Variants in STXBP5L observed in about 807,000 individuals in gnomAD.
STXBP5L encodes syntaxin-binding protein 5-like.
A neutral mutation model predicts 144.5 loss-of-function variants in STXBP5L; 65 were observed. That is an observed-to-expected ratio of 0.45 (90% CI 0.37 to 0.55). The LOEUF is 0.55. Ranked by LOEUF, STXBP5L falls within the 20% of genes least tolerant of loss-of-function variation. STXBP5L has a pLI of 0.00. For synonymous variants in STXBP5L, 505 were observed against 469.6 expected (o/e 1.08, Z -0.97); for missense variants, 1,298 against 1,405.5 (o/e 0.92, Z 1.22).
At chr3:121,061,154 A>G (rs939130562) in intron 5 of STXBP5L, among the ~76,000 whole-genome samples, 3 of 152,172 alleles carry the variant, frequency 2.0e-5, no homozygotes, top group African/African-American at 7.2e-5. Context: ...TGTGTCCCAG[A>G]GATTCTGGTA....
chr3:121,398,222 C>T (rs1217429515), intron 22 of STXBP5L, among the ~76,000 whole-genome samples: 1 of 152,184 alleles, frequency 6.6e-6, no homozygotes, highest in Non-Finnish European at 1.5e-5. Flanking sequence ...GTATTTGTAC[C>T]CGTTTTAAAC....
chr3:121,041,664 T>C (rs1198519853), intron 3 of STXBP5L, 36 bp from the exon 4 acceptor site: 3 of 1,483,622 alleles, frequency 2.0e-6, no homozygotes, highest in Non-Finnish European at 2.8e-6. Context: ...TTGGTGCTAA[T>C]TAAAATGTTA....
chr3:121,117,577 TAAG>T (rs978370775), intron 6 of STXBP5L, among the ~76,000 whole-genome samples: 2 of 151,824 alleles, frequency 1.3e-5, no homozygotes, highest in East Asian at 1.9e-4. Flanking sequence ...TGCATTTAAT[TAAG>T]AAGACTCATT....
intron 3 of STXBP5L, among the ~76,000 whole-genome samples, chr3:121,039,832 C>G (rs540044093): frequency 6.6e-6 from 1 of 151,914 alleles, no homozygotes; most frequent in Non-Finnish European, 1.5e-5. Context: ...TCTTTCTCTA[C>G]CCCTCAGTGA....
At chr3:121,276,332 C>T (rs1246793707) in intron 18 of STXBP5L, among the ~76,000 whole-genome samples, 1 of 151,916 alleles carries the variant, frequency 6.6e-6, no homozygotes, top group African/African-American at 2.4e-5. Flanking sequence ...CATAAATTTA[C>T]TTCCATATGT....
At chr3:121,373,511 A>G (rs1400445366) in intron 20 of STXBP5L, among the ~76,000 whole-genome samples, 1 of 152,192 alleles carries the variant, frequency 6.6e-6, no homozygotes, top group Non-Finnish European at 1.5e-5. Context: ...TGACTCCTGC[A>G]TCTCCAACAT....
chr3:121,279,923 C>T lies in STXBP5L; in HGVS notation c.2077C>T (p.Arg693Trp), dbSNP rs756903586. Residue 693 changes from arginine to tryptophan, a missense_variant, in exon 19 of 27, where the codon CGG becomes TGG. Coordinates refer to ENST00000471454, the MANE Select transcript of STXBP5L (RefSeq NM_001308330.2). ...RSSDLYQRQPRSPRKNKQFIA... is the reference protein window; with the variant it reads ...RSSDLYQRQPWSPRKNKQFIA... ...AAGTGACTTATACCAGCGACAACCA[C>T]GGTCTCCTCGAAAAAACAAACAGTT... 21 of 1,611,968 alleles carry T rather than the reference C, an allele frequency of 1.3e-5. No individual in the cohort carries two copies. The highest frequency in any genetic ancestry group is 4.5e-5 in the East Asian group (2 of 44,834).
At chr3:121,333,997 G>T (rs1041115222) in intron 20 of STXBP5L, among the ~76,000 whole-genome samples, 3 of 152,064 alleles carry the variant, frequency 2.0e-5, no homozygotes, top group African/African-American at 4.8e-5. Context: ...AATCATGGCA[G>T]CAGTATCCCC....
At chr3:121,285,753 A>G (rs989798269) in intron 19 of STXBP5L, among the ~76,000 whole-genome samples, 3 of 152,138 alleles carry the variant, frequency 2.0e-5, no homozygotes, top group Admixed American at 2.0e-4. Flanking sequence ...AATCTTAAAC[A>G]AGGCATTTAA....
chr3:120,962,624 C>T (rs886832271), intron 3 of STXBP5L, among the ~76,000 whole-genome samples: 1 of 152,098 alleles, frequency 6.6e-6, no homozygotes, highest in Admixed American at 6.5e-5. Flanking sequence ...CTGTTCTGTT[C>T]CATTGATCTA....
At chr3:121,124,505 G>T (rs1405945396) in intron 7 of STXBP5L, among the ~76,000 whole-genome samples, 1 of 151,816 alleles carries the variant, frequency 6.6e-6, no homozygotes, top group Non-Finnish European at 1.5e-5. Flanking sequence ...TATATCTTGT[G>T]CTAGCTCAAT....
intron 22 of STXBP5L, among the ~76,000 whole-genome samples, chr3:121,391,327 T>G (rs1253914072): frequency 2.0e-5 from 3 of 152,216 alleles, no homozygotes; most frequent in Admixed American, 2.0e-4. Context: ...GCAATGGGTT[T>G]GAGCATCCTC....
intron 6 of STXBP5L, among the ~76,000 whole-genome samples, chr3:121,115,645 T>C (rs1391811652): frequency 6.6e-6 from 1 of 152,124 alleles, no homozygotes; most frequent in Non-Finnish European, 1.5e-5. Context: ...CCATTTTGCA[T>C]TGCTATAAAG....
At chr3:121,262,471 A>G (rs1290005719) in intron 18 of STXBP5L, among the ~76,000 whole-genome samples, 2 of 152,120 alleles carry the variant, frequency 1.3e-5, no homozygotes, top group African/African-American at 4.8e-5. Context: ...CTCTACTAAC[A>G]TTGTAAAAAT....
At chr3:121,115,468 C>T (rs895869320) in intron 6 of STXBP5L, among the ~76,000 whole-genome samples, 2 of 151,996 alleles carry the variant, frequency 1.3e-5, no homozygotes, top group Non-Finnish European at 2.9e-5. Context: ...AAATATTGTT[C>T]AGGGCTCAAA....
intron 15 of STXBP5L, among the ~76,000 whole-genome samples, chr3:121,253,395 T>C (rs2050090592): frequency 6.6e-6 from 1 of 151,912 alleles, no homozygotes; most frequent in African/African-American, 2.4e-5. Context: ...CATATATACA[T>C]ATAGCTTTTT....
intron 7 of STXBP5L, among the ~76,000 whole-genome samples, chr3:121,142,828 A>G (rs1308641084): frequency 1.3e-5 from 2 of 151,852 alleles, no homozygotes; most frequent in East Asian, 1.9e-4. Flanking sequence ...CTTTACCTCA[A>G]GGAACTAGAG....
At chr3:120,943,916 T>C (rs1251884025) in intron 2 of STXBP5L, among the ~76,000 whole-genome samples, 1 of 151,390 alleles carries the variant, frequency 6.6e-6, no homozygotes, top group African/African-American at 2.4e-5. Flanking sequence ...TCTCTTCTGT[T>C]TGAATATATG....
chr3:121,338,113 C>A (rs1297770070), intron 20 of STXBP5L, among the ~76,000 whole-genome samples: 9 of 152,008 alleles, frequency 5.9e-5, no homozygotes, highest in African/African-American at 2.2e-4. Flanking sequence ...TGAAATGAAA[C>A]AAATTGGCAA....
Sources: gnomAD v4.1 joint callset for allele counts (sites outside exome capture counted in the v4.1 genomes callset) on GRCh38, gnomAD v4.1.1 for gene constraint, MANE v1.5 for transcripts, NCBI Gene and HGNC (gene_info 2026-07-23, HGNC 2026-07-21) for gene names.